Variants in CPA6 observed in about 807,000 individuals in gnomAD.
CPA6 encodes carboxypeptidase B.
CPA6 carries 58 observed loss-of-function variants against 63.3 expected under a neutral mutation model. The ratio of observed to expected loss-of-function variants is 0.92; its 90% confidence interval spans 0.74 to 1.14. The LOEUF (loss-of-function observed/expected upper bound fraction) is 1.14, where lower values mean the gene tolerates loss of function less well. Ranked by LOEUF, CPA6 falls within the 50% of genes most tolerant of loss-of-function variation. The pLI, the probability that CPA6 is intolerant of heterozygous loss-of-function variation, is 0.00. For missense variants in CPA6, 565 were observed against 526.6 expected (o/e 1.07, Z -0.71); for synonymous variants, 185 against 179.0 (o/e 1.03, Z -0.27).
intron 8 of CPA6, among the ~76,000 whole-genome samples, chr8:67,477,013 A>G (rs1354212890): frequency 6.6e-6 from 1 of 152,106 alleles, no homozygotes; most frequent in African/African-American, 2.4e-5. Flanking sequence ...AACTAAGGCC[A>G]GTTGCGGTGG....
chr8:67,733,736 G>A (rs1817758895), intron 1 of CPA6, among the ~76,000 whole-genome samples: 1 of 151,670 alleles, frequency 6.6e-6, no homozygotes, highest in African/African-American at 2.4e-5. Flanking sequence ...GAATACACAA[G>A]GTATTGCCTT....
intron 1 of CPA6, 149 bp downstream of exon 1, chr8:67,745,865 G>C (rs986353819): frequency 7.6e-6 from 4 of 528,860 alleles, no homozygotes; most frequent in South Asian, 3.5e-5. Context: ...AGAGCAGAGA[G>C]CTGTGAGTAC....
At chr8:67,487,608 A>T (rs1056399110) in intron 6 of CPA6, among the ~76,000 whole-genome samples, 3 of 152,228 alleles carry the variant, frequency 2.0e-5, no homozygotes, top group Non-Finnish European at 4.4e-5. Flanking sequence ...TTCTAGTTCT[A>T]GATCCTTGAG....
At chr8:67,707,913 C>CAAA (rs35572918) in intron 1 of CPA6, among the ~76,000 whole-genome samples, 83 of 126,944 alleles carry the variant, frequency 6.5e-4, no homozygotes, top group African/African-American at 2.2e-3. Context: ...GACTCCATCT[C>CAAA]AAAAAAAAAA....
intron 9 of CPA6, among the ~76,000 whole-genome samples, chr8:67,429,196 G>T (rs1224904164): frequency 3.3e-5 from 5 of 152,158 alleles, no homozygotes; most frequent in Non-Finnish European, 4.4e-5. Flanking sequence ...CTTTTCCTAA[G>T]AATGGCAAAA....
chr8:67,733,377 C>T (rs1001179161), intron 1 of CPA6, among the ~76,000 whole-genome samples: 1 of 151,886 alleles, frequency 6.6e-6, no homozygotes, highest in African/African-American at 2.4e-5. Flanking sequence ...GGTCTGAGAC[C>T]CACTGTCCAG....
Position 67,511,540 on chromosome 8 carries a change from C to T in CPA6, c.432+1G>A. On this transcript the variant is annotated splice_donor_variant, in intron 4 of 10. Transcript: ENST00000297770. LOFTEE classifies it high-confidence loss of function. ...CAGAAAAAGCTCTTTTGATTACATACTTCTTCTAAGGAGTGATAAACTTCA... is the reference window on the plus strand; with the variant it reads ...CAGAAAAAGCTCTTTTGATTACATATTTCTTCTAAGGAGTGATAAACTTCA... 6.5e-7 allele frequency: 1 copy of T among 1,540,844 alleles called. No individual in the cohort carries two copies.
At position 67,627,676 on chromosome 8, in the gene CPA6, G is replaced by A. The variant is rs144868836; in HGVS notation, c.117-3425C>T. Among the ~76,000 whole-genome samples, 570 of 152,272 alleles carry A rather than the reference G, an allele frequency of 3.7e-3. 3 individuals are homozygous for A. The highest frequency in any genetic ancestry group is 0.013 in the African/African-American group (527 of 41,554). ...TTTAGTTTAAGGATGTCTTATAGAG[G>A]AAGCAGGACATCCCAGATTAGTCTC... On this transcript the variant is annotated intron_variant, in intron 1 of 10. Coordinates refer to ENST00000297770, the MANE Select transcript of CPA6 (RefSeq NM_020361.5).
chr8:67,461,713 G>A (rs1236959725), intron 8 of CPA6, among the ~76,000 whole-genome samples: 1 of 151,690 alleles, frequency 6.6e-6, no homozygotes. Context: ...CTTCCCTCCC[G>A]GATGGAGCGG....
chr8:67,535,482 T>C (rs1812565653), intron 2 of CPA6, among the ~76,000 whole-genome samples: 2 of 152,230 alleles, frequency 1.3e-5, no homozygotes, highest in East Asian at 3.8e-4. Flanking sequence ...GCTTTTTTCA[T>C]ATGTTTGTTG....
At chr8:67,539,929 G>T (rs1428747748) in intron 2 of CPA6, among the ~76,000 whole-genome samples, 1 of 152,066 alleles carries the variant, frequency 6.6e-6, no homozygotes, top group African/African-American at 2.4e-5. Flanking sequence ...TAGCTTCCTT[G>T]CATTGGGTTA....
At chr8:67,699,272 C>T (rs1002553377) in intron 1 of CPA6, among the ~76,000 whole-genome samples, 52 of 152,000 alleles carry the variant, frequency 3.4e-4, no homozygotes, top group Admixed American at 7.2e-4. Flanking sequence ...AAAAATTATC[C>T]GGGTGTGGTG....
At chr8:67,426,616 A>G (rs1809892414) in intron 10 of CPA6, among the ~76,000 whole-genome samples, 1 of 152,352 alleles carries the variant, frequency 6.6e-6, no homozygotes, top group Middle Eastern at 3.4e-3. Flanking sequence ...GTTTGTTCTG[A>G]AGGCTGAAGA....
intron 2 of CPA6, among the ~76,000 whole-genome samples, chr8:67,606,697 A>G (rs1814645674): frequency 6.6e-6 from 1 of 152,180 alleles, no homozygotes; most frequent in Non-Finnish European, 1.5e-5. Context: ...GGTGGTGGAG[A>G]AAGGTCCTTG....
intron 8 of CPA6, among the ~76,000 whole-genome samples, chr8:67,470,821 T>C (rs967241460): frequency 6.6e-6 from 1 of 152,222 alleles, no homozygotes; most frequent in East Asian, 1.9e-4. Flanking sequence ...TCTCTAAAGA[T>C]GCAGATAATA....
intron 8 of CPA6, among the ~76,000 whole-genome samples, chr8:67,453,894 C>T (rs1810612682): frequency 6.6e-6 from 1 of 152,152 alleles, no homozygotes; most frequent in Admixed American, 6.5e-5. Context: ...CATACATGAG[C>T]TAAACTTGTA....
At chr8:67,479,123 G>A (rs1238368127) in intron 8 of CPA6, among the ~76,000 whole-genome samples, 2 of 152,198 alleles carry the variant, frequency 1.3e-5, no homozygotes, top group African/African-American at 4.8e-5. Flanking sequence ...GATCCTGGAA[G>A]AAGCTTTATG....
At chr8:67,650,559 G>A (rs1815813221) in intron 1 of CPA6, among the ~76,000 whole-genome samples, 1 of 152,116 alleles carries the variant, frequency 6.6e-6, no homozygotes, top group African/African-American at 2.4e-5. Context: ...AAGGTGCCAT[G>A]GACATCCATG....
chr8:67,470,436 T>A (rs979951512), intron 8 of CPA6, among the ~76,000 whole-genome samples: 2 of 152,200 alleles, frequency 1.3e-5, no homozygotes, highest in Non-Finnish European at 2.9e-5. Flanking sequence ...TTAAACATTT[T>A]GGGCAATAAC....
Sources: allele counts gnomAD v4.1 joint callset (sites outside exome capture counted in the v4.1 genomes callset), GRCh38; gene constraint gnomAD v4.1.1; transcripts MANE v1.5; gene names NCBI Gene and HGNC (gene_info 2026-07-23, HGNC 2026-07-21).